Variants in PGAP6 observed in about 807,000 individuals in gnomAD.
PGAP6 encodes the protein post-GPI attachment to proteins factor 6.
In PGAP6, 62 loss-of-function variants were observed where a neutral mutation model predicts 68.4. The ratio of observed to expected loss-of-function variants is 0.91; its 90% CI spans 0.74 to 1.12. PGAP6 has a LOEUF of 1.12. Among genes scored for constraint, PGAP6 ranks in the 50% most tolerant of loss-of-function variants. The pLI, the probability that PGAP6 is intolerant of heterozygous loss-of-function variation, is 0.00. For synonymous variants in PGAP6, 575 were observed against 474.0 expected, an observed-to-expected ratio of 1.21 and a Z score of -2.77; for missense variants, 1,188 against 1,068.5, an observed-to-expected ratio of 1.11 and a Z score of -1.56.
At position 376,365 on chromosome 16, in the gene PGAP6, C is replaced by T. The variant is rs755825162; in HGVS notation, c.995G>A (p.Ser332Asn). ...FNASSGLLSPSPDHQDLGRSG... is the reference protein window; with the variant it reads ...FNASSGLLSPNPDHQDLGRSG... The stretch of plus-strand genomic sequence containing the variant: ...CCTGCCCAGGTCCTGGTGGTCGGGG[C>T]TCGGGGACAGCAGACCAGAGGAGGC... The change falls in exon 6 of 13, where the codon AGC becomes AAC. Residue 332 changes from serine to asparagine, a missense_variant. By Grantham distance (46) the Ser-to-Asn change is conservative. Transcript: ENST00000431232. The T allele has an allele frequency of 1.2e-6, 2 of 1,611,756 alleles. No individual in the cohort carries two copies. The highest frequency in any genetic ancestry group is 3.3e-5 in the Admixed American group (2 of 59,988).
chr16:386,948 G>A (rs1468060784), upstream of PGAP6: 1 of 577,182 alleles, frequency 1.7e-6, no homozygotes, highest in Non-Finnish European at 3.4e-6. Context: ...AATATCCTTG[G>A]AAGAGCACCC....
intron 9 of PGAP6, 130 bp from the exon 10 acceptor site, chr16:374,529 G>T: frequency 8.3e-7 from 1 of 1,199,458 alleles, no homozygotes; most frequent in Non-Finnish European, 1.1e-6. Flanking sequence ...GGCGGGCGGG[G>T]TCCAAGGTCA....
rs1475116676 is a variant in PGAP6 at position 376,297 on chromosome 16, G to A, written c.1063C>T (p.Pro355Ser). The A allele has an allele frequency of 6.2e-7, 1 of 1,612,720 alleles. No individual in the cohort carries two copies. Among genetic ancestry groups the A allele is most frequent in the South Asian group, 1.1e-5 (1 of 91,062 alleles). ...DRSPFCLTNY[P>S]VTREDMDVVS... Reference sequence around the variant, plus strand: ...ACGTCCATGTCCTCCCGCGTGACTGGGTAGTTTGTGAGGCAGAAGGGGCTG... The same window carrying A: ...ACGTCCATGTCCTCCCGCGTGACTGAGTAGTTTGTGAGGCAGAAGGGGCTG... The change falls in exon 6 of 13, where the codon CCA becomes TCA. Residue 355 changes from proline (P) to serine (S), a missense_variant. Coordinates refer to ENST00000431232, the MANE Select transcript of PGAP6 (RefSeq NM_021259.3).
intron 1 of PGAP6, 70 bp downstream of exon 1, chr16:381,631 G>T: frequency 8.9e-7 from 1 of 1,119,250 alleles, no homozygotes; most frequent in Non-Finnish European, 1.1e-6. Context: ...GTGCGCCCGG[G>T]GTGTCACAAT....
intron 1 of PGAP6, among the ~76,000 whole-genome samples, chr16:380,987 G>GT (rs2054432388): frequency 6.6e-6 from 1 of 152,216 alleles, no homozygotes; most frequent in African/African-American, 2.4e-5. Flanking sequence ...AAGGCCTGAC[G>GT]GTCTCCACAC....
chr16:377,059 G>C lies in PGAP6; in HGVS notation c.613C>G (p.Leu205Val). Residue 205 changes from leucine (L) to valine (V), a missense_variant, in exon 4 of 13, where the codon CTC becomes GTC. Transcript: ENST00000431232. Reference sequence around the variant, plus strand: ...CACTTGAGGTAGCTGGGATGGGAGAGGAGGGTCTGAGGAAGGGGCACGTCC... The same window carrying C: ...CACTTGAGGTAGCTGGGATGGGAGACGAGGGTCTGAGGAAGGGGCACGTCC... ...EPDVPLPQTL[L>V]SHPSYLKVFV... is the part of the protein sequence containing the mutation. The C allele has an allele frequency of 1.2e-6, 2 of 1,613,288 alleles. No homozygotes were observed. Among genetic ancestry groups the C allele is most frequent in the Non-Finnish European group, 1.7e-6 (2 of 1,179,948 alleles).
chr16:382,022 G>A (rs953278037), upstream of PGAP6: 11 of 850,054 alleles, frequency 1.3e-5, no homozygotes, highest in African/African-American at 1.9e-5. Flanking sequence ...GGGAAGGCGA[G>A]GGCGGGGTCG....
intron 6 of PGAP6, among the ~76,000 whole-genome samples, 190 bp downstream of exon 6, chr16:375,946 C>T (rs946175876): frequency 2.6e-5 from 4 of 152,234 alleles, no homozygotes; most frequent in African/African-American, 9.6e-5. Flanking sequence ...CCCCACAGCC[C>T]CGGGGCCTGT....
chr16:375,379 G>A lies in PGAP6; in HGVS notation c.1281C>T (p.Phe427=). The A allele has an allele frequency of 6.2e-7, 1 of 1,613,042 alleles. No individual in the cohort carries two copies. The highest frequency in any genetic ancestry group is 8.5e-7 in the Non-Finnish European group (1 of 1,179,976). ...AGTTGAGCGAAGTATTGAAGCCAAG[G>A]AAGGGCGAGGCAGCATTCACGCAGG... ...VVACVNAASP[F]LGFNTSLNCT... Residue 427 remains phenylalanine, a synonymous_variant, in exon 7 of 13, where the codon TTC becomes TTT. Transcript: ENST00000431232.
Position 376,139 on chromosome 16 carries a change from G to C in PGAP6, c.1221C>G (p.Asn407Lys). 1 of 1,600,684 alleles carries C rather than the reference G, an allele frequency of 6.2e-7. No homozygotes were observed. Among genetic ancestry groups the C allele is most frequent in the South Asian group, 1.1e-5 (1 of 90,624 alleles). The change falls in exon 6 of 13, where the codon AAC becomes AAG. Residue 407 changes from asparagine to lysine, a missense_variant. Coordinates refer to ENST00000431232, the MANE Select transcript of PGAP6 (RefSeq NM_021259.3). The stretch of plus-strand genomic sequence containing the variant: ...GCCGCTTGCAGACAGCAGGTACCTT[G>C]TTGGCCCGCAGGGAGATGGTGAGGG... ...GGSLTISLRA[N>K]KTEMRNETVV... is the part of the protein sequence containing the mutation.
chr16:373,394 C>A (rs35537314), intron 11 of PGAP6, among the ~76,000 whole-genome samples: 19,062 of 152,256 alleles, frequency 0.13, 1,506 homozygotes, highest in Non-Finnish European at 0.18. Flanking sequence ...GCCCCAAGGA[C>A]CCAGGGAGCA....
chr16:372,458 C>G (rs2141755700), intron 12 of PGAP6, 153 bp downstream of exon 12: 2 of 960,856 alleles, frequency 2.1e-6, no homozygotes, highest in East Asian at 2.4e-5. Context: ...CTCAGGGACA[C>G]AGCCATGCTG....
Position 381,961 on chromosome 16 carries a change from G to A in PGAP6, c.-140C>T, listed in dbSNP as rs2054444003. On this transcript the variant is annotated 5_prime_UTR_variant, in exon 1 of 13. Coordinates refer to ENST00000431232, the MANE Select transcript of PGAP6 (RefSeq NM_021259.3). ...GCCCATGGCCCGGCCGGTCCCCGCC[G>A]CCGTCGCCCCGGGCACTTCCGCCCG... 2.0e-6 allele frequency: 2 copies of A among 975,782 alleles called. No homozygotes were observed. The highest frequency in any genetic ancestry group is 2.4e-6 in the Non-Finnish European group (2 of 822,588). The allele number at this position is 975,782 out of a possible 1,614,324, so 60.4% of individuals were successfully genotyped here.
At chr16:378,204 C>CCGCACTGCCATCGCCACT (rs1555491575) in intron 1 of PGAP6, among the ~76,000 whole-genome samples, 11,947 of 87,972 alleles carry the variant, frequency 0.14, 2,117 homozygotes, top group South Asian at 0.19. Flanking sequence ...CCATCGCCAC[C>CCGCACTGCCATCGCCACT]CTGACTGCCA....
chr16:375,649 A>G (rs1205592196), intron 6 of PGAP6, among the ~76,000 whole-genome samples: 3 of 151,036 alleles, frequency 2.0e-5, no homozygotes, highest in Non-Finnish European at 4.4e-5. Context: ...CTCCCGCCTC[A>G]GCCTCCCGAG....
rs1459878733 is a variant in PGAP6 at position 377,121 on chromosome 16, A to G, written c.551T>C (p.Leu184Pro). 2 of 1,613,680 alleles carry G rather than the reference A, an allele frequency of 1.2e-6. No individual in the cohort carries two copies. Among genetic ancestry groups the G allele is most frequent in the Non-Finnish European group, 1.7e-6 (2 of 1,179,994 alleles). The change falls in exon 4 of 13, where the codon CTG becomes CCG. Residue 184 changes from leucine (L) to proline (P), a missense_variant. Transcript: ENST00000431232. Reference sequence around the variant, plus strand: ...GGAAATCTCGACCACCCGCGTGACCAGCAGTTCAGGCTGGAAGACGTAGGC... The same window carrying G: ...GGAAATCTCGACCACCCGCGTGACCGGCAGTTCAGGCTGGAAGACGTAGGC... ...TCAYVFQPEL[L>P]VTRVVEISIM...
At chr16:378,271 C>CCACCCTGACTGCCATCG (rs2054406841) in intron 1 of PGAP6, among the ~76,000 whole-genome samples, 4 of 21,994 alleles carry the variant, frequency 1.8e-4, no homozygotes, top group Non-Finnish European at 3.5e-4. Context: ...CACTGCCATC[C>CCACCCTGACTGCCATCG]CCACCCACAC....
upstream of PGAP6, chr16:383,262 C>G (rs1459133703): frequency 6.6e-6 from 1 of 151,864 alleles, no homozygotes; most frequent in Non-Finnish European, 1.5e-5. Context: ...TCACCTAACA[C>G]ATTGGCAAAT....
chr16:374,363 GCTGT>G lies in PGAP6; in HGVS notation c.1609_1612del (p.Thr537ProfsTer95). 1 of 1,597,838 alleles carries G rather than the reference GCTGT, an allele frequency of 6.3e-7. No homozygotes were observed. The highest frequency in any genetic ancestry group is 8.5e-7 in the Non-Finnish European group (1 of 1,177,148). On this transcript the variant is annotated frameshift_variant, in exon 10 of 13. Transcript: ENST00000431232. LOFTEE classifies it high-confidence loss of function. Reference sequence around the variant, plus strand: ...CGCCCTCTGCTGGGCCACCGTCTGGGCTGTGCTGTTGTCCGTGCAGCTCCACCCA... The same window carrying G: ...CGCCCTCTGCTGGGCCACCGTCTGGGGCTGTTGTCCGTGCAGCTCCACCCA...
Sources: gnomAD v4.1 joint callset for allele counts (sites outside exome capture counted in the v4.1 genomes callset) on GRCh38, gnomAD v4.1.1 for gene constraint, MANE v1.5 for transcripts, NCBI Gene and HGNC (gene_info 2026-07-23, HGNC 2026-07-21) for gene names.